PCDH15: variants seen among roughly 807,000 people sequenced by gnomAD.
The protein encoded by PCDH15 is protocadherin-15.
PCDH15 carries 129 observed loss-of-function variants against 178.5 expected under a neutral mutation model. The observed-to-expected ratio is 0.72, with a 90% CI of 0.63 to 0.84. The LOEUF (loss-of-function observed/expected upper bound fraction) is 0.84. Ranked by LOEUF, PCDH15 falls within the 40% of genes least tolerant of loss-of-function variation. The pLI is 0.00. For missense variants in PCDH15, 2,230 were observed against 2,099.9 expected (o/e 1.06, Z -1.21); for synonymous variants, 800 against 732.0 (o/e 1.09, Z -1.50).
intron 2 of PCDH15, chr10:54,606,380 A>G (rs2092741706): frequency 6.6e-6 from 1 of 152,116 alleles, no homozygotes; most frequent in Non-Finnish European, 1.5e-5. Context: ...GGAAACTAAG[A>G]ACTCTCAAAG....
intron 1 of PCDH15, among the ~76,000 whole-genome samples, chr10:54,680,509 T>C (rs577936748): frequency 1.6e-4 from 25 of 152,244 alleles, no homozygotes; most frequent in African/African-American, 5.8e-4. Context: ...TTAGGTTGTG[T>C]TAATGCTTGA....
At chr10:54,426,497 T>C (rs181696224) in intron 3 of PCDH15, among the ~76,000 whole-genome samples, 22 of 152,202 alleles carry the variant, frequency 1.4e-4, no homozygotes, top group Admixed American at 1.1e-3. Flanking sequence ...ACCTCTCCCA[T>C]CCTGCTGTGT....
At chr10:55,427,614 G>A (rs879738783) in intron 2 of PCDH15, among the ~76,000 whole-genome samples, 2 of 152,110 alleles carry the variant, frequency 1.3e-5, no homozygotes, top group African/African-American at 2.4e-5. Context: ...GCACATGATC[G>A]AATGCATCTT....
chr10:54,104,743 A>G lies in PCDH15; in HGVS notation c.1918-14680T>C, dbSNP rs1011054863. Among the ~76,000 whole-genome samples the G allele has an allele frequency of 1.1e-3, 165 of 150,464 alleles. 1 individual carries two copies. The highest frequency in any genetic ancestry group is 3.8e-3 in the African/African-American group (157 of 40,960). On this transcript the variant is annotated intron_variant, in intron 15 of 37. Transcript: ENST00000644397. ...TCCCAGCTACTCAGGAGGCTGAGGC[A>G]GGAGAACGGCATGAACCCAGGAGGT...
chr10:55,025,948 T>C (rs1840465572), intron 2 of PCDH15, among the ~76,000 whole-genome samples: 1 of 152,060 alleles, frequency 6.6e-6, no homozygotes, highest in African/African-American at 2.4e-5. Flanking sequence ...CATTTCACAA[T>C]ACTTTGTTAG....
At chr10:54,237,821 A>C (rs913570622) in intron 8 of PCDH15, among the ~76,000 whole-genome samples, 1 of 152,212 alleles carries the variant, frequency 6.6e-6, no homozygotes, top group African/African-American at 2.4e-5. Flanking sequence ...GCTTATCTAC[A>C]CAGATATGCT....
intron 1 of PCDH15, among the ~76,000 whole-genome samples, chr10:54,788,484 C>T (rs187996677): frequency 1.1e-4 from 17 of 150,944 alleles, no homozygotes; most frequent in African/African-American, 2.9e-4. Flanking sequence ...AAGAATTTAA[C>T]GGTAGATAAA....
In PCDH15 at chr10:54,256,198, G is replaced by A. The variant is rs1472052865; in HGVS notation, c.877-19267C>T. 2.0e-5 allele frequency among the ~76,000 whole-genome samples: 3 copies of A among 152,134 alleles called. No homozygotes were observed. The East Asian group carries it at 5.8e-4, about 29-fold the overall frequency. ...AAGCGTATCCTACTGAAGAGAAGAAGTTGCCTCTGGAGAAGATGGTCAGCT... is the reference window on the plus strand; with the variant it reads ...AAGCGTATCCTACTGAAGAGAAGAAATTGCCTCTGGAGAAGATGGTCAGCT... On this transcript the variant is annotated intron_variant, in intron 8 of 37. Transcript: ENST00000644397.
chr10:53,907,009 T>C (rs2082728944), intron 25 of PCDH15: 1 of 152,130 alleles, frequency 6.6e-6, no homozygotes, highest in Non-Finnish European at 1.5e-5. Flanking sequence ...GTAAAATAAA[T>C]GTTGGCCAGT....
intron 2 of PCDH15, among the ~76,000 whole-genome samples, chr10:54,548,833 T>C (rs1248338373): frequency 6.6e-6 from 1 of 151,306 alleles, no homozygotes; most frequent in Admixed American, 6.6e-5. Flanking sequence ...TTCTTGGATT[T>C]CTTCCATAAA....
chr10:55,133,175 A>G (rs1347341841), intron 2 of PCDH15, among the ~76,000 whole-genome samples: 1 of 152,192 alleles, frequency 6.6e-6, no homozygotes, highest in Non-Finnish European at 1.5e-5. Context: ...GTTATTAAAA[A>G]TATTAAATGA....
At chr10:54,449,224 T>G (rs2076321439) in intron 3 of PCDH15, among the ~76,000 whole-genome samples, 2 of 151,842 alleles carry the variant, frequency 1.3e-5, no homozygotes, top group East Asian at 3.9e-4. Context: ...GAGCCCTTTT[T>G]GTTGTGGATT....
At chr10:55,374,115 AT>A (rs1275645273) in intron 2 of PCDH15, among the ~76,000 whole-genome samples, 8 of 149,114 alleles carry the variant, frequency 5.4e-5, no homozygotes, top group East Asian at 1.9e-4. Context: ...AATAATAATA[AT>A]AATAATAAAA....
chr10:55,596,261 C>T (rs1230485953), intron 2 of PCDH15, among the ~76,000 whole-genome samples: 3 of 152,046 alleles, frequency 2.0e-5, no homozygotes, highest in African/African-American at 7.2e-5. Flanking sequence ...CCTAATCCTA[C>T]CAAAACATTC....
At chr10:54,129,220 C>T (rs554349979) in intron 15 of PCDH15, among the ~76,000 whole-genome samples, 10 of 151,698 alleles carry the variant, frequency 6.6e-5, no homozygotes, top group East Asian at 1.9e-4. Flanking sequence ...AGAAAGTTAA[C>T]GCAGCTGACA....
At chr10:53,942,002 C>T (rs2086111541) in intron 23 of PCDH15, among the ~76,000 whole-genome samples, 1 of 152,176 alleles carries the variant, frequency 6.6e-6, no homozygotes, top group Non-Finnish European at 1.5e-5. Context: ...TACAAAAAAT[C>T]CTGAAATACA....
At chr10:54,046,952 T>C (rs2093668571) in intron 18 of PCDH15, among the ~76,000 whole-genome samples, 1 of 152,132 alleles carries the variant, frequency 6.6e-6, no homozygotes, top group African/African-American at 2.4e-5. Context: ...TAGTGAGTTA[T>C]AATATTTGTA....
At chr10:55,328,013 C>G (rs1844079783) in intron 2 of PCDH15, among the ~76,000 whole-genome samples, 1 of 151,930 alleles carries the variant, frequency 6.6e-6, no homozygotes, top group Admixed American at 6.6e-5. Flanking sequence ...AGATTTAATA[C>G]AATAACATAC....
chr10:54,796,184 A>G lies in PCDH15; in HGVS notation c.-29+4741T>C, dbSNP rs181825154. Among the ~76,000 whole-genome samples the G allele has an allele frequency of 5.3e-5, 8 of 151,720 alleles. No homozygotes were observed. The East Asian group carries it at 1.6e-3, about 30-fold the overall frequency. The stretch of plus-strand genomic sequence containing the variant: ...ATACACACATTTAATTTCATTCTCC[A>G]TGCTTGGATCACAGGCTCTCTTCTC... On this transcript the variant is annotated intron_variant, in intron 1 of 37. Coordinates refer to ENST00000644397, the MANE Select transcript of PCDH15 (RefSeq NM_001384140.1).
Sources: gnomAD v4.1 joint callset for allele counts (sites outside exome capture counted in the v4.1 genomes callset) on GRCh38, gnomAD v4.1.1 for gene constraint, MANE v1.5 for transcripts, NCBI Gene and HGNC (gene_info 2026-07-23, HGNC 2026-07-21) for gene names.